The following BAZ1B variants were observed in gnomAD, a reference collection of about 807,000 sequenced individuals.
BAZ1B encodes bromodomain adjacent to zinc finger domain 1B.
BAZ1B carries 22 observed loss-of-function variants against 153.8 expected under a neutral mutation model. The observed-to-expected ratio is 0.14, with a 90% CI of 0.10 to 0.20. The LOEUF (loss-of-function observed/expected upper bound fraction) is 0.20, where lower values mean the gene tolerates loss of function less well. BAZ1B is among the 10% of genes least tolerant of loss of function. The pLI is 1.00. For missense variants in BAZ1B, 1,325 were observed against 1,799.3 expected (o/e 0.74, Z 4.77); for synonymous variants, 676 against 633.4 (o/e 1.07, Z -1.01).
chr7:73,469,916 C>T (rs139588431), intron 8 of BAZ1B, among the ~76,000 whole-genome samples: 670 of 152,218 alleles, frequency 4.4e-3, no homozygotes, highest in Middle Eastern at 0.041. Context: ...CTATGTTGGC[C>T]GGGCTGGTCT....
At chr7:73,482,368 A>G (rs1406716105) in intron 6 of BAZ1B, among the ~76,000 whole-genome samples, 5 of 152,222 alleles carry the variant, frequency 3.3e-5, no homozygotes, top group African/African-American at 4.8e-5. Flanking sequence ...CTGGCAGGAA[A>G]TAAGAACAAA....
At chr7:73,482,785 C>T (rs576117537) in intron 6 of BAZ1B, among the ~76,000 whole-genome samples, 1 of 152,210 alleles carries the variant, frequency 6.6e-6, no homozygotes, top group East Asian at 1.9e-4. Context: ...TTGTGCCAAG[C>T]CACACCATGT....
chr7:73,454,815 C>A (rs1011210464), intron 13 of BAZ1B, among the ~76,000 whole-genome samples: 3 of 152,166 alleles, frequency 2.0e-5, no homozygotes, highest in Admixed American at 1.3e-4. Context: ...GCGTCCCCTG[C>A]CGGTCTCTCA....
At chr7:73,471,384 GTTTAT>G (rs1734324348) in intron 7 of BAZ1B, among the ~76,000 whole-genome samples, 1 of 152,042 alleles carries the variant, frequency 6.6e-6, no homozygotes, top group South Asian at 2.1e-4. Context: ...CATTAATTAG[GTTTAT>G]TCAGTTAGAA....
At chr7:73,455,506 G>A (rs962275241) in intron 13 of BAZ1B, among the ~76,000 whole-genome samples, 1 of 152,180 alleles carries the variant, frequency 6.6e-6, no homozygotes, top group Non-Finnish European at 1.5e-5. Flanking sequence ...ATGTGGCTGG[G>A]CGAGGTGGCT....
In BAZ1B at chr7:73,510,787, C is replaced by G; in HGVS notation, c.173G>C (p.Ser58Thr). The G allele has an allele frequency of 1.9e-6, 3 of 1,614,180 alleles. No homozygotes were observed. The highest frequency in any genetic ancestry group is 2.5e-6 in the Non-Finnish European group (3 of 1,180,020). ...CCAGGCTTCCTTGTGTGTTAGCTGA[C>G]TGCTTCCAGTACTCTTGCACGTCCA... is the stretch of plus-strand genomic sequence containing the variant. ...RIWTCKSTGS[S>T]QLTHKEAWEE... Residue 58 changes from serine to threonine, a missense_variant, in exon 2 of 20, where the codon AGT (serine) becomes ACT (threonine). Physicochemically the swap from Ser to Thr is moderately conservative, Grantham distance 58 (BLOSUM62 1). This residue lies in a region of BAZ1B where 14 missense variants were observed against 42.3 expected (regional missense o/e 0.33). Coordinates refer to ENST00000339594, the MANE Select transcript of BAZ1B (RefSeq NM_032408.4).
intron 16 of BAZ1B, among the ~76,000 whole-genome samples, chr7:73,444,522 G>C (rs1787752566): frequency 6.6e-6 from 1 of 152,196 alleles, no homozygotes; most frequent in South Asian, 2.1e-4. Context: ...CTGAGCGAGT[G>C]GATGTATTTA....
chr7:73,497,949 G>GTT (rs576417617), intron 4 of BAZ1B, among the ~76,000 whole-genome samples: 4 of 140,714 alleles, frequency 2.8e-5, no homozygotes, highest in Non-Finnish European at 6.2e-5. Context: ...TTTGTGTTTT[G>GTT]TTTTTTTTTT....
intron 8 of BAZ1B, 24 bp from the exon 9 acceptor site, chr7:73,469,674 T>G: frequency 1.2e-6 from 2 of 1,612,942 alleles, no homozygotes; most frequent in Non-Finnish European, 1.7e-6. Context: ...CCAGTATTAA[T>G]AAGACAGTGA....
At chr7:73,497,699 T>C (rs1453210940) in intron 4 of BAZ1B, among the ~76,000 whole-genome samples, 1 of 148,206 alleles carries the variant, frequency 6.7e-6, no homozygotes, top group Middle Eastern at 3.3e-3. Context: ...TTAAGTGCCA[T>C]AAAAAAAAGA....
At chr7:73,463,686 T>A (rs1788473254) in intron 11 of BAZ1B, among the ~76,000 whole-genome samples, 1 of 152,092 alleles carries the variant, frequency 6.6e-6, no homozygotes, top group Non-Finnish European at 1.5e-5. Flanking sequence ...TGGCTCTGTA[T>A]ACCGACATTT....
At chr7:73,460,771 T>C (rs193201777) in intron 12 of BAZ1B, among the ~76,000 whole-genome samples, 376 of 152,288 alleles carry the variant, frequency 2.5e-3, no homozygotes, top group Non-Finnish European at 4.2e-3. Context: ...ATCTACCTGA[T>C]AGATGAGGAA....
intron 11 of BAZ1B, among the ~76,000 whole-genome samples, chr7:73,464,698 T>TA (rs1262395108): frequency 6.6e-6 from 1 of 152,188 alleles, no homozygotes; most frequent in African/African-American, 2.4e-5. Flanking sequence ...AATATTCCAC[T>TA]ATTTGAATAT....
chr7:73,510,815 T>C lies in BAZ1B; in HGVS notation c.145A>G (p.Ile49Val), dbSNP rs782402504. 2 of 1,614,168 alleles carry C rather than the reference T, an allele frequency of 1.2e-6. No individual in the cohort carries two copies. The highest frequency in any genetic ancestry group is 1.7e-6 in the Non-Finnish European group (2 of 1,180,040). ...CTTCCAGTACTCTTGCACGTCCAAA[T>C]GCGCTCACTGTACCTTTCCAAGCGG... ...EARLERYSER[I>V]WTCKSTGSSQ... The change falls in exon 2 of 20, where the codon ATT becomes GTT. Residue 49 changes from isoleucine (I) to valine (V), a missense_variant. Physicochemically the swap from Ile to Val is conservative, Grantham distance 29 (BLOSUM62 3). Around this residue, in one of 9 missense-constraint regions of BAZ1B, gnomAD observed 14 missense variants for 42.3 expected, o/e 0.33. Coordinates refer to ENST00000339594, the MANE Select transcript of BAZ1B (RefSeq NM_032408.4).
At chr7:73,485,889 C>G (rs1188539173) in intron 6 of BAZ1B, among the ~76,000 whole-genome samples, 21 of 152,114 alleles carry the variant, frequency 1.4e-4, no homozygotes, top group Non-Finnish European at 2.5e-4. Flanking sequence ...AATAAGAGCT[C>G]AAACATGATG....
chr7:73,445,189 G>A (rs1013611791), intron 16 of BAZ1B, among the ~76,000 whole-genome samples: 17 of 152,148 alleles, frequency 1.1e-4, no homozygotes, highest in Admixed American at 6.5e-4. Flanking sequence ...TGGGGAGTGG[G>A]GAGATGACAC....
chr7:73,475,695 G>A (rs1450167537), intron 7 of BAZ1B, among the ~76,000 whole-genome samples: 1 of 152,160 alleles, frequency 6.6e-6, no homozygotes, highest in East Asian at 1.9e-4. Context: ...AGCACTTTGG[G>A]AGACTGAGGC....
At chr7:73,520,454 T>A (rs1269089071) in intron 1 of BAZ1B, among the ~76,000 whole-genome samples, 1 of 152,110 alleles carries the variant, frequency 6.6e-6, no homozygotes, top group Non-Finnish European at 1.5e-5. Flanking sequence ...AGGGATGAGG[T>A]AGGAAGAGCG....
intron 4 of BAZ1B, 30 bp downstream of exon 4, chr7:73,498,467 A>C: frequency 6.3e-7 from 1 of 1,592,290 alleles, no homozygotes; most frequent in Non-Finnish European, 8.6e-7. Flanking sequence ...GATCTCATAA[A>C]ACACTAAGGA....
Sources: allele counts gnomAD v4.1 joint callset (sites outside exome capture counted in the v4.1 genomes callset), GRCh38; gene constraint gnomAD v4.1.1; regional missense constraint gnomAD v4.1.1; transcripts MANE v1.5; gene names NCBI Gene and HGNC (gene_info 2026-07-23, HGNC 2026-07-21).